The following TMEM243 variants were observed in gnomAD, a reference collection of about 807,000 sequenced individuals.
The protein encoded by TMEM243 is transmembrane protein 243.
TMEM243 carries 20 observed loss-of-function variants against 15.0 expected under a neutral mutation model. The observed-to-expected ratio is 1.33, with a 90% CI of 0.94 to 1.93. The LOEUF (loss-of-function observed/expected upper bound fraction) is 1.93, where lower values mean the gene tolerates loss of function less well. Ranked by LOEUF, TMEM243 falls within the 30% of genes most tolerant of loss-of-function variation. The pLI, the probability that TMEM243 is intolerant of heterozygous loss-of-function variation, is 0.00. For missense variants in TMEM243, 156 were observed against 142.1 expected, an observed-to-expected ratio of 1.10 and a Z score of -0.50; for synonymous variants, 72 against 52.7, an observed-to-expected ratio of 1.37 and a Z score of -1.59.
intron 1 of TMEM243, among the ~76,000 whole-genome samples, chr7:87,209,881 A>G (rs1291939545): frequency 1.4e-5 from 2 of 142,640 alleles, no homozygotes; most frequent in African/African-American, 5.3e-5. Flanking sequence ...AGACAGTGAG[A>G]GCGTGAGAGA....
chr7:87,216,712 A>G (rs1219922143), intron 1 of TMEM243: 5 of 152,238 alleles, frequency 3.3e-5, no homozygotes, highest in Non-Finnish European at 7.3e-5. Context: ...TCATTGTTCT[A>G]TAATAGATTT....
At chr7:87,205,537 C>G (rs1802152137) in intron 1 of TMEM243, among the ~76,000 whole-genome samples, 1 of 152,160 alleles carries the variant, frequency 6.6e-6, no homozygotes, top group Non-Finnish European at 1.5e-5. Context: ...GCCAGATACC[C>G]TAACTCATCT....
chr7:87,197,274 G>A (rs1050286857), intron 3 of TMEM243, among the ~76,000 whole-genome samples: 7 of 152,000 alleles, frequency 4.6e-5, no homozygotes, highest in African/African-American at 1.4e-4. Context: ...AACACTTGGA[G>A]GTGTCTCCTG....
intron 1 of TMEM243, among the ~76,000 whole-genome samples, chr7:87,208,844 T>C (rs1802409272): frequency 6.6e-6 from 1 of 152,246 alleles, no homozygotes; most frequent in Non-Finnish European, 1.5e-5. Context: ...GGGCTCCCAC[T>C]ACCCAGGGTG....
intron 1 of TMEM243, among the ~76,000 whole-genome samples, chr7:87,215,280 G>T (rs796893465): frequency 1.7e-4 from 26 of 152,072 alleles, no homozygotes; most frequent in East Asian, 3.9e-4. Context: ...CTAATTTTTT[G>T]TGTGTGTGTG....
rs187665178 is a variant in TMEM243 at position 87,205,658 on chromosome 7, A to T, written c.79-6601T>A. Among the ~76,000 whole-genome samples, 56 of 152,284 alleles carry T rather than the reference A, an allele frequency of 3.7e-4. No homozygotes were observed. In the East Asian group the frequency reaches 0.01, roughly 28 times the overall value. On this transcript the variant is annotated intron_variant, in intron 1 of 3. Coordinates refer to ENST00000257637, the MANE Select transcript of TMEM243 (RefSeq NM_024315.4). Reference sequence around the variant, plus strand: ...TACTCCAGTTCCCAACAAGTTCTTCATCTCCATCTGAGACCACCTCAGCGT... The same window carrying T: ...TACTCCAGTTCCCAACAAGTTCTTCTTCTCCATCTGAGACCACCTCAGCGT...
rs774335899 is a variant in TMEM243 at position 87,219,291 on chromosome 7, G to A, written c.78+135C>T. ...TTGGCCGGGCAAACATCTTGAGAGGGAAGTGGGATTGCAGAACCAGCTTCC... is the reference window on the plus strand; with the variant it reads ...TTGGCCGGGCAAACATCTTGAGAGGAAAGTGGGATTGCAGAACCAGCTTCC... On this transcript the variant is annotated intron_variant, in intron 1 of 3. Transcript: ENST00000257637. The A allele has an allele frequency of 1.7e-5, 13 of 784,142 alleles. No individual in the cohort carries two copies. In the Admixed American group the frequency reaches 2.5e-4, roughly 15 times the overall value. 48.6% of individuals were successfully genotyped at this position (784,142 alleles called of 1,614,324 possible).
intron 1 of TMEM243, among the ~76,000 whole-genome samples, chr7:87,203,631 T>TA (rs372663599): frequency 1.4e-4 from 21 of 151,866 alleles, no homozygotes; most frequent in African/African-American, 4.8e-4. Context: ...AAAATTGTCT[T>TA]AAAAAACATT....
At chr7:87,214,151 G>C (rs1031665558) in intron 1 of TMEM243, among the ~76,000 whole-genome samples, 3 of 152,036 alleles carry the variant, frequency 2.0e-5, no homozygotes, top group Non-Finnish European at 4.4e-5. Context: ...TTGCTTTCTC[G>C]AGAAAACCAT....
At chr7:87,203,897 AAAGC>A (rs1237892812) in intron 1 of TMEM243, among the ~76,000 whole-genome samples, 2 of 152,220 alleles carry the variant, frequency 1.3e-5, no homozygotes, top group African/African-American at 4.8e-5. Context: ...ATTTCCCAAA[AAAGC>A]AAGCTCTGGC....
chr7:87,198,893 G>A (rs1801577566), intron 2 of TMEM243, 114 bp downstream of exon 2: 2 of 912,134 alleles, frequency 2.2e-6, no homozygotes, highest in African/African-American at 1.7e-5. Context: ...CTGCAATTTT[G>A]TGGTAATAAA....
chr7:87,219,492 A>C lies in TMEM243; in HGVS notation c.12T>G (p.Phe4Leu). 2 of 1,614,218 alleles carry C rather than the reference A, an allele frequency of 1.2e-6. No homozygotes were observed. Among genetic ancestry groups the C allele is most frequent in the Non-Finnish European group, 1.7e-6 (2 of 1,180,022 alleles). Residue 4 changes from phenylalanine to leucine, a missense_variant, in exon 1 of 4, where the codon TTT becomes TTG. Phe to Leu is a conservative substitution (Grantham distance 22). Coordinates refer to ENST00000257637, the MANE Select transcript of TMEM243 (RefSeq NM_024315.4). MEDFATRTYGTSGL... is the reference protein window; with the variant it reads MEDLATRTYGTSGL... Reference sequence around the variant, plus strand: ...CACTGGTGCCGTAGGTCCTGGTAGCAAAGTCCTCCATTTTGGGGTTTCTTC... The same window carrying C: ...CACTGGTGCCGTAGGTCCTGGTAGCCAAGTCCTCCATTTTGGGGTTTCTTC...
intron 3 of TMEM243, among the ~76,000 whole-genome samples, chr7:87,197,438 G>T (rs1801387523): frequency 6.6e-6 from 1 of 152,088 alleles, no homozygotes; most frequent in African/African-American, 2.4e-5. Context: ...AACATTTGCA[G>T]TAAATCAAAC....
chr7:87,210,460 C>A (rs1007468126), intron 1 of TMEM243, among the ~76,000 whole-genome samples: 3 of 152,162 alleles, frequency 2.0e-5, no homozygotes, highest in African/African-American at 7.2e-5. Flanking sequence ...CCTGTAAAAT[C>A]AAAAACAAGT....
chr7:87,202,218 G>A (rs552653251), intron 1 of TMEM243, among the ~76,000 whole-genome samples: 1 of 152,244 alleles, frequency 6.6e-6, no homozygotes, highest in African/African-American at 2.4e-5. Context: ...GCACTAAGAA[G>A]ACAGAAAGTG....
In TMEM243 at chr7:87,201,917, T is replaced by C. The variant is rs571719559; in HGVS notation, c.79-2860A>G. Among the ~76,000 whole-genome samples, 253 of 152,314 alleles carry C rather than the reference T, an allele frequency of 1.7e-3. 1 individual carries two copies. Among genetic ancestry groups the C allele is most frequent in the African/African-American group, 5.8e-3 (240 of 41,550 alleles). On this transcript the variant is annotated intron_variant, in intron 1 of 3. Coordinates refer to ENST00000257637, the MANE Select transcript of TMEM243 (RefSeq NM_024315.4). ...ACAGGACAAAGGATGGCAATTAGCC[T>C]GGATCCTTGCCTGCTGAGAGGACAG...
At chr7:87,202,396 T>C (rs1021408629) in intron 1 of TMEM243, among the ~76,000 whole-genome samples, 2 of 152,342 alleles carry the variant, frequency 1.3e-5, no homozygotes, top group East Asian at 1.9e-4. Flanking sequence ...ATGGAGATTG[T>C]TGACCAAGTT....
At chr7:87,210,624 T>TCC (rs1562886558) in intron 1 of TMEM243, among the ~76,000 whole-genome samples, 1 of 152,146 alleles carries the variant, frequency 6.6e-6, no homozygotes, top group African/African-American at 2.4e-5. Context: ...CAAAATAACC[T>TCC]CCTTTGGCTC....
At chr7:87,208,315 A>G (rs1002596414) in intron 1 of TMEM243, among the ~76,000 whole-genome samples, 1 of 152,244 alleles carries the variant, frequency 6.6e-6, no homozygotes, top group Non-Finnish European at 1.5e-5. Flanking sequence ...GTAAATACAC[A>G]CATTCCAAAA....
Sources: gnomAD v4.1 joint callset for allele counts (sites outside exome capture counted in the v4.1 genomes callset) on GRCh38, gnomAD v4.1.1 for gene constraint, MANE v1.5 for transcripts, NCBI Gene and HGNC (gene_info 2026-07-23, HGNC 2026-07-21) for gene names.